Variants in NUCKS1 observed in about 807,000 individuals in gnomAD.
NUCKS1 encodes the protein nuclear ubiquitous casein and cyclin-dependent kinase substrate 1.
NUCKS1 carries 2 observed loss-of-function variants against 33.0 expected under a neutral mutation model. That is an observed-to-expected ratio of 0.06 (90% CI 0.02 to 0.19). The LOEUF is 0.19. Ranked by LOEUF, NUCKS1 falls within the 10% of genes least tolerant of loss-of-function variation. The probability of loss-of-function intolerance (pLI) is 1.00; values close to 1 mark genes in which losing one functional copy is unlikely to be tolerated. For missense variants in NUCKS1, 201 were observed against 293.6 expected, an observed-to-expected ratio of 0.68 and a Z score of 2.31; for synonymous variants, 106 against 102.8, an observed-to-expected ratio of 1.03 and a Z score of -0.19.
intron 1 of NUCKS1, among the ~76,000 whole-genome samples, chr1:205,739,824 A>G (rs1198819763): frequency 6.6e-6 from 1 of 152,038 alleles, no homozygotes; most frequent in African/African-American, 2.4e-5. Context: ...CCTTGACTCA[A>G]GCGATCTGCC....
intron 1 of NUCKS1, among the ~76,000 whole-genome samples, chr1:205,744,999 T>C (rs544068573): frequency 7.0e-4 from 106 of 152,342 alleles, no homozygotes; most frequent in Admixed American, 1.6e-3. Flanking sequence ...TACATTACTA[T>C]ACAGTACATG....
chr1:205,739,483 C>CT (rs1009744086), intron 1 of NUCKS1, among the ~76,000 whole-genome samples: 1 of 150,540 alleles, frequency 6.6e-6, no homozygotes, highest in East Asian at 1.9e-4. Context: ...TTTTTTTTTT[C>CT]TTTTTTTGAG....
intron 1 of NUCKS1, among the ~76,000 whole-genome samples, chr1:205,745,542 G>C (rs1206229414): frequency 6.6e-6 from 1 of 151,954 alleles, no homozygotes; most frequent in African/African-American, 2.4e-5. Flanking sequence ...GAGCAAAAAC[G>C]CTAAGTTAAA....
chr1:205,718,727 T>C (rs921999409), intron 6 of NUCKS1, among the ~76,000 whole-genome samples: 2 of 152,226 alleles, frequency 1.3e-5, no homozygotes, highest in Admixed American at 6.5e-5. Flanking sequence ...TCTATGATGT[T>C]AGCAGTAATA....
Position 205,714,153 on chromosome 1 carries a change from G to A in NUCKS1, c.*4127C>T, listed in dbSNP as rs1329955663. The stretch of plus-strand genomic sequence containing the variant: ...GAAGACAAAGCTTTAATTGCCAGAT[G>A]TATACAAACACACACTCACACGTAC... On this transcript the variant is annotated 3_prime_UTR_variant, in exon 7 of 7. Coordinates refer to ENST00000367142, the MANE Select transcript of NUCKS1 (RefSeq NM_022731.5). 2.0e-5 allele frequency: 3 copies of A among 151,968 alleles called. No individual in the cohort carries two copies. The highest frequency in any genetic ancestry group is 2.9e-5 in the Non-Finnish European group (2 of 67,980). 9.4% of individuals were successfully genotyped at this position (151,968 alleles called of 1,614,324 possible).
chr1:205,746,393 C>T (rs1654325839), intron 1 of NUCKS1, among the ~76,000 whole-genome samples: 1 of 151,638 alleles, frequency 6.6e-6, no homozygotes, highest in African/African-American at 2.4e-5. Flanking sequence ...AGGAAACTGA[C>T]AGGTAATTTT....
At chr1:205,727,644 C>T in intron 3 of NUCKS1, 56 bp downstream of exon 3, 3 of 1,130,064 alleles carry the variant, frequency 2.7e-6, no homozygotes, top group Non-Finnish European at 4.1e-6. Context: ...TCAGAGACTG[C>T]TCTCATCTCA....
At chr1:205,747,847 T>A (rs1654369847) in intron 1 of NUCKS1, among the ~76,000 whole-genome samples, 1 of 152,236 alleles carries the variant, frequency 6.6e-6, no homozygotes, top group South Asian at 2.1e-4. Flanking sequence ...TTGCAAAATT[T>A]AACAAACCAC....
chr1:205,720,498 T>C lies in NUCKS1; in HGVS notation c.382+3A>G. ...CCAAAGTACACAAAACAACTTCACATACTCTCCTGGAATGGTGCCTCATCC... is the reference window on the plus strand; with the variant it reads ...CCAAAGTACACAAAACAACTTCACACACTCTCCTGGAATGGTGCCTCATCC... On this transcript the variant is annotated splice_donor_region_variant and intron_variant, in intron 5 of 6. Transcript: ENST00000367142. 6.2e-7 allele frequency: 1 copy of C among 1,608,344 alleles called. No homozygotes were observed. Among genetic ancestry groups the C allele is most frequent in the Non-Finnish European group, 8.5e-7 (1 of 1,178,474 alleles).
At position 205,726,961 on chromosome 1, in the gene NUCKS1, CTTG is replaced by C. The variant is rs144603016; in HGVS notation, c.173+736_173+738del. On this transcript the variant is annotated intron_variant, in intron 3 of 6. Transcript: ENST00000367142. ...AAGGCAGAAATTACAATATCCTCGT[CTTG>C]TTGTTGTTTTTTTTTCCCAAGACAG... Among the ~76,000 whole-genome samples the C allele has an allele frequency of 3.1e-3, 470 of 151,968 alleles. 1 individual carries two copies. Among genetic ancestry groups the C allele is most frequent in the African/African-American group, 0.01 (427 of 41,412 alleles).
chr1:205,750,017 G>GC lies in NUCKS1; in HGVS notation c.-45_-44insG. On this transcript the variant is annotated 5_prime_UTR_variant, in exon 1 of 7. Coordinates refer to ENST00000367142, the MANE Select transcript of NUCKS1 (RefSeq NM_022731.5). ...ACCGAGTCGAGAAGCCAAAGACCAG[G>GC]ACCCCCCCCACCCCGCGCGCTCGGC... 1.3e-6 allele frequency: 2 copies of GC among 1,548,034 alleles called. No individual in the cohort carries two copies. Among genetic ancestry groups the GC allele is most frequent in the African/African-American group, 2.9e-5 (2 of 69,540 alleles).
chr1:205,729,484 CTT>C (rs1653856838), intron 2 of NUCKS1, 86 bp downstream of exon 2: 4 of 936,870 alleles, frequency 4.3e-6, no homozygotes, highest in Non-Finnish European at 6.9e-6. Flanking sequence ...AAAAGTAAAA[CTT>C]ATTCCAAAAG....
intron 1 of NUCKS1, among the ~76,000 whole-genome samples, chr1:205,744,782 G>A (rs899277609): frequency 2.4e-4 from 36 of 152,002 alleles, no homozygotes; most frequent in Non-Finnish European, 2.2e-4. Context: ...ATAGGCATGC[G>A]CCACCACGCC....
chr1:205,749,426 G>A (rs115866861), intron 1 of NUCKS1, among the ~76,000 whole-genome samples: 1,822 of 152,292 alleles, frequency 0.012, 34 homozygotes, highest in African/African-American at 0.042. Context: ...CCGGTTGGCA[G>A]TGCTGCCCCT....
In NUCKS1 at chr1:205,732,394, G is replaced by A. The variant is rs180705991; in HGVS notation, c.18-2773C>T. The stretch of plus-strand genomic sequence containing the variant: ...GAGGCTGGAAGAGTGGGGATGAGGA[G>A]CTGTTGTTTAGTGGGTTTAGTTTCA... On this transcript the variant is annotated intron_variant, in intron 1 of 6. Coordinates refer to ENST00000367142, the MANE Select transcript of NUCKS1 (RefSeq NM_022731.5). Among the ~76,000 whole-genome samples, 5 of 152,250 alleles carry A rather than the reference G, an allele frequency of 3.3e-5. No individual in the cohort carries two copies. The East Asian group carries it at 9.6e-4, about 29-fold the overall frequency.
At chr1:205,718,549 T>C in intron 6 of NUCKS1, 70 bp from the exon 7 acceptor site, 2 of 1,577,330 alleles carry the variant, frequency 1.3e-6, no homozygotes, top group Non-Finnish European at 8.6e-7. Context: ...AGCTACAAAA[T>C]ACAACAATCT....
At chr1:205,749,700 G>A (rs999970924) in intron 1 of NUCKS1, among the ~76,000 whole-genome samples, 7 of 151,948 alleles carry the variant, frequency 4.6e-5, no homozygotes, top group Non-Finnish European at 8.8e-5. Context: ...CTCTAGTGCG[G>A]TGGGTGGGGG....
Position 205,727,712 on chromosome 1 carries a change from G to T in NUCKS1, c.161C>A (p.Ser54Ter). 6.2e-7 allele frequency: 1 copy of T among 1,611,564 alleles called. No individual in the cohort carries two copies. Among genetic ancestry groups the T allele is most frequent in the South Asian group, 1.1e-5 (1 of 91,010 alleles). The change falls in exon 3 of 7, where the codon TCA becomes TAA. Residue 54 changes from serine (S) to a stop codon, truncating the protein, a stop_gained. Transcript: ENST00000367142. LOFTEE classifies it high-confidence loss of function. Reference sequence around the variant, plus strand: ...CAATGCCTCTTACCTATCTTCCTGTGAATTCTTTCCAGATCGCCTCTTATT... The same window carrying T: ...CAATGCCTCTTACCTATCTTCCTGTTAATTCTTTCCAGATCGCCTCTTATT... ...AKNKRRSGKN[S>*]QEDSEDSEDK...
chr1:205,728,162 T>C (rs986376023), intron 2 of NUCKS1, among the ~76,000 whole-genome samples: 3 of 152,214 alleles, frequency 2.0e-5, no homozygotes, highest in Non-Finnish European at 4.4e-5. Context: ...CAATTACTAT[T>C]ACTAAGCAAA....
Sources: allele counts gnomAD v4.1 joint callset (sites outside exome capture counted in the v4.1 genomes callset), GRCh38; gene constraint gnomAD v4.1.1; transcripts MANE v1.5; gene names NCBI Gene and HGNC (gene_info 2026-07-23, HGNC 2026-07-21).